The following KLHL29 variants were observed in gnomAD, a reference collection of about 807,000 sequenced individuals.
KLHL29 encodes the protein kelch like family member 29, also known as kelch-like protein 29.
KLHL29 carries 21 observed loss-of-function variants against 80.4 expected under a neutral mutation model. The ratio of observed to expected loss-of-function variants is 0.26; its 90% CI spans 0.19 to 0.38. KLHL29 has a LOEUF of 0.38. KLHL29 is among the 10% of genes least tolerant of loss of function. The probability of loss-of-function intolerance (pLI) is 1.00; values close to 1 mark genes in which losing one functional copy is unlikely to be tolerated. For missense variants in KLHL29, 867 were observed against 1,223.9 expected (o/e 0.71, Z 4.35); for synonymous variants, 511 against 526.8 (o/e 0.97, Z 0.41).
chr2:23,531,955 C>T (rs748859), intron 2 of KLHL29, among the ~76,000 whole-genome samples: 80,277 of 152,036 alleles, frequency 0.53, 21,786 homozygotes, highest in Middle Eastern at 0.63. Context: ...CAAGTCGCCA[C>T]GACTCCCAAG....
intron 3 of KLHL29, among the ~76,000 whole-genome samples, chr2:23,573,506 T>C (rs1342754243): frequency 6.6e-6 from 1 of 152,106 alleles, no homozygotes; most frequent in Non-Finnish European, 1.5e-5. Flanking sequence ...CCTGGTGAAA[T>C]TGGTTGGATG....
Position 23,706,921 on chromosome 2 carries a change from C to T in KLHL29, c.*257C>T, listed in dbSNP as rs749484871. 19 of 391,568 alleles carry T rather than the reference C, an allele frequency of 4.9e-5. No homozygotes were observed. Among genetic ancestry groups the T allele is most frequent in the South Asian group, 1.7e-4 (3 of 17,440 alleles). 24.3% of individuals were successfully genotyped at this position (391,568 alleles called of 1,614,324 possible). A position where few individuals can be genotyped will look rare whatever the true frequency, so the allele number is the denominator to read the frequency against. ...TGGCTGCCTCCTGAACAGGGGCGCT[C>T]GCTCTGCCAGGTGCAATAGAGTTTC... On this transcript the variant is annotated 3_prime_UTR_variant, in exon 14 of 14. Coordinates refer to ENST00000486442, the MANE Select transcript of KLHL29 (RefSeq NM_052920.2).
chr2:23,693,254 C>G lies in KLHL29; in HGVS notation c.1283-15C>G. ...CCGGGCCTTTGGGTCAGTGGTCCTGCGCTGTCGCCCCCAGAGAAGCAGCTG... is the reference window on the plus strand; with the variant it reads ...CCGGGCCTTTGGGTCAGTGGTCCTGGGCTGTCGCCCCCAGAGAAGCAGCTG... On this transcript the variant is annotated splice_polypyrimidine_tract_variant and intron_variant, in intron 7 of 13. Coordinates refer to ENST00000486442, the MANE Select transcript of KLHL29 (RefSeq NM_052920.2). 1 of 1,537,382 alleles carries G rather than the reference C, an allele frequency of 6.5e-7. No homozygotes were observed. Among genetic ancestry groups the G allele is most frequent in the South Asian group, 1.2e-5 (1 of 83,362 alleles).
In KLHL29 at chr2:23,695,501, A is replaced by C. The variant is rs1572517544; in HGVS notation, c.1543-122A>C. The C allele has an allele frequency of 4.2e-6, 3 of 716,388 alleles. No individual in the cohort carries two copies. The highest frequency in any genetic ancestry group is 6.8e-6 in the Non-Finnish European group (3 of 441,216). 44.4% of individuals were successfully genotyped at this position (716,388 alleles called of 1,614,324 possible). ...CTGTCTAGGCTAGCAGAGTATCTACACTCCCAAGCCTAACACAGCCTGGAA... is the reference window on the plus strand; with the variant it reads ...CTGTCTAGGCTAGCAGAGTATCTACCCTCCCAAGCCTAACACAGCCTGGAA... On this transcript the variant is annotated intron_variant, in intron 8 of 13. Coordinates refer to ENST00000486442, the MANE Select transcript of KLHL29 (RefSeq NM_052920.2). This position sits in a 1 kb window ranked among gnomAD's most constrained non-coding sequence, Gnocchi z 7.6.
chr2:23,546,010 A>G (rs1272706375), intron 2 of KLHL29, among the ~76,000 whole-genome samples: 1 of 152,230 alleles, frequency 6.6e-6, no homozygotes, highest in Non-Finnish European at 1.5e-5. Context: ...CTGTGCCTAC[A>G]GACCGGGTTG....
intron 3 of KLHL29, among the ~76,000 whole-genome samples, chr2:23,574,590 T>A (rs1253527584): frequency 2.0e-5 from 3 of 151,942 alleles, no homozygotes; most frequent in Non-Finnish European, 2.9e-5. Flanking sequence ...GAGTTTCTGT[T>A]TGGGATGATA....
At chr2:23,496,574 T>TC (rs1665272410) in intron 2 of KLHL29, among the ~76,000 whole-genome samples, 1 of 152,118 alleles carries the variant, frequency 6.6e-6, no homozygotes, top group Non-Finnish European at 1.5e-5. Context: ...CCTCTAACCT[T>TC]CAGCGGGGCC....
chr2:23,447,013 TTAAATC>T (rs1663715141), intron 1 of KLHL29, among the ~76,000 whole-genome samples: 1 of 152,226 alleles, frequency 6.6e-6, no homozygotes, highest in Non-Finnish European at 1.5e-5. Context: ...CTTTCATCCT[TTAAATC>T]TAATCGTTTT....
chr2:23,483,812 A>G (rs1664859764), intron 2 of KLHL29, among the ~76,000 whole-genome samples: 1 of 152,180 alleles, frequency 6.6e-6, no homozygotes, highest in African/African-American at 2.4e-5. Context: ...AGCAGAAACT[A>G]GAGTCCTTGT....
chr2:23,423,038 C>T (rs1000617996), intron 1 of KLHL29, among the ~76,000 whole-genome samples: 3 of 152,264 alleles, frequency 2.0e-5, no homozygotes, highest in Admixed American at 6.5e-5. Context: ...GTCTTGCCGA[C>T]TGGCCCTTCG....
At chr2:23,644,408 C>CA (rs1669863819) in intron 5 of KLHL29, 1 of 152,234 alleles carries the variant, frequency 6.6e-6, no homozygotes, top group East Asian at 1.9e-4. Context: ...ATTCTGTCCC[C>CA]ACATAGCCCC....
Position 23,639,277 on chromosome 2 carries a change from C to G in KLHL29, c.424C>G (p.Pro142Ala). The G allele has an allele frequency of 6.5e-7, 1 of 1,547,542 alleles. No individual in the cohort carries two copies. Among genetic ancestry groups the G allele is most frequent in the Non-Finnish European group, 8.7e-7 (1 of 1,145,204 alleles). Residue 142 changes from proline to alanine, a missense_variant, in exon 4 of 14, where the codon CCA becomes GCA. Transcript: ENST00000486442. ...CAAACAGATGAGAGAGAGTGACAAT[C>G]CAGGTACGTACCTCATCGGCAGATA... is the stretch of plus-strand genomic sequence containing the variant. ...PSKQMRESDNPGTGPWVTTVA... is the reference protein window; with the variant it reads ...PSKQMRESDNAGTGPWVTTVA...
At chr2:23,547,850 G>A (rs1463925835) in intron 2 of KLHL29, among the ~76,000 whole-genome samples, 1 of 152,106 alleles carries the variant, frequency 6.6e-6, no homozygotes, top group Non-Finnish European at 1.5e-5. Context: ...TGCTGGATGA[G>A]GCCAGGAGCA....
At chr2:23,473,135 A>G (rs1226772519) in intron 1 of KLHL29, among the ~76,000 whole-genome samples, 1 of 152,190 alleles carries the variant, frequency 6.6e-6, no homozygotes, top group Non-Finnish European at 1.5e-5. Flanking sequence ...CATGACCTGC[A>G]GGTGAGGGAC....
chr2:23,666,297 G>C (rs1670551571), intron 5 of KLHL29, among the ~76,000 whole-genome samples: 1 of 152,194 alleles, frequency 6.6e-6, no homozygotes, highest in Non-Finnish European at 1.5e-5. Context: ...AGCTGAGCGA[G>C]GATCCCCAAA....
intron 6 of KLHL29, among the ~76,000 whole-genome samples, chr2:23,687,150 G>A (rs762086143): frequency 3.2e-4 from 49 of 152,166 alleles, no homozygotes; most frequent in Admixed American, 3.9e-4. Flanking sequence ...GTGGCTCCAC[G>A]CTCAGGCAGC....
At chr2:23,467,759 CAG>C (rs1403208587) in intron 1 of KLHL29, among the ~76,000 whole-genome samples, 1 of 152,134 alleles carries the variant, frequency 6.6e-6, no homozygotes, top group Non-Finnish European at 1.5e-5. Context: ...GGGATGGGAA[CAG>C]GGGCTCTGTG....
intron 5 of KLHL29, among the ~76,000 whole-genome samples, chr2:23,651,305 C>T (rs1393628552): frequency 1.3e-5 from 2 of 152,184 alleles, no homozygotes; most frequent in Non-Finnish European, 2.9e-5. Flanking sequence ...TTTACAGTGT[C>T]CTGGCAGCCT....
chr2:23,420,659 T>C (rs543055224), intron 1 of KLHL29, among the ~76,000 whole-genome samples: 1 of 152,326 alleles, frequency 6.6e-6, no homozygotes, highest in African/African-American at 2.4e-5. Flanking sequence ...CTGCCCCACC[T>C]GCCAGAGCTC....
Sources: gnomAD v4.1 joint callset for allele counts (sites outside exome capture counted in the v4.1 genomes callset) on GRCh38, gnomAD v4.1.1 for gene constraint, Gnocchi (gnomAD v3.1) non-coding constraint, MANE v1.5 for transcripts, NCBI Gene and HGNC (gene_info 2026-07-23, HGNC 2026-07-21) for gene names.